Variants in TTBK2 observed in about 807,000 individuals in gnomAD.
TTBK2 encodes the protein tau tubulin kinase 2.
A neutral mutation model predicts 110.8 loss-of-function variants in TTBK2; 28 were observed. That is an observed-to-expected ratio of 0.25 (90% CI 0.19 to 0.35). The LOEUF is 0.35. Among genes scored for constraint, TTBK2 ranks in the 10% least tolerant of loss-of-function variants. The pLI, the probability that TTBK2 is intolerant of heterozygous loss-of-function variation, is 1.00. For synonymous variants in TTBK2, 532 were observed against 527.3 expected (o/e 1.01, Z -0.12); for missense variants, 1,369 against 1,500.3 (o/e 0.91, Z 1.45).
At chr15:42,815,913 AATATATATATATTT>A (rs1354473494) in intron 7 of TTBK2, among the ~76,000 whole-genome samples, 63 of 100,796 alleles carry the variant, frequency 6.3e-4, no homozygotes, top group African/African-American at 3.3e-3. Context: ...TATATTTAAA[AATATATATATATTT>A]AAAAATATAT....
rs574100747 is a variant in TTBK2, at chr15:42,833,967, C to T, written c.292-3889G>A. Reference sequence around the variant, plus strand: ...TGGAGGTTGCAGTGAGCCGAGATCACGCCATTGCACTGCAGCCTGGGCGAC... The same window carrying T: ...TGGAGGTTGCAGTGAGCCGAGATCATGCCATTGCACTGCAGCCTGGGCGAC... On this transcript the variant is annotated intron_variant, in intron 4 of 14. Transcript: ENST00000267890. 5.9e-5 allele frequency among the ~76,000 whole-genome samples: 9 copies of T among 151,978 alleles called. No individual in the cohort carries two copies. In the South Asian group the frequency reaches 6.2e-4, roughly 11 times the overall value.
intron 4 of TTBK2, among the ~76,000 whole-genome samples, chr15:42,833,834 C>T (rs1892876701): frequency 6.6e-6 from 1 of 151,968 alleles, no homozygotes. Context: ...ATGGTAAAAC[C>T]CCGTCTCTAC....
At position 42,783,424 on chromosome 15, in the gene TTBK2, A is replaced by G. The variant is rs773923065; in HGVS notation, c.1192T>C (p.Cys398Arg). The G allele has an allele frequency of 4.4e-5, 71 of 1,613,850 alleles. No individual in the cohort carries two copies. The highest frequency in any genetic ancestry group is 5.7e-5 in the Non-Finnish European group (67 of 1,179,852). Reference protein sequence around the residue: ...ANKNKIKLGICKAATEEENSH... With the variant: ...ANKNKIKLGIRKAATEEENSH... ...TGTTTATAAGGTACTCATACCTTAC[A>G]AATTCCAAGCTTTATCTTGTTTTTG... Residue 398 changes from cysteine to arginine, a missense_variant, in exon 11 of 15, where the codon TGT becomes CGT. Physicochemically the swap from Cys to Arg is radical, Grantham distance 180. Transcript: ENST00000267890.
At chr15:42,765,252 G>A (rs1889305251) in intron 13 of TTBK2, among the ~76,000 whole-genome samples, 1 of 152,232 alleles carries the variant, frequency 6.6e-6, no homozygotes. Context: ...GAACAAAGCT[G>A]GACGGAGAAT....
chr15:42,758,485 G>A (rs774990427), intron 13 of TTBK2, among the ~76,000 whole-genome samples: 9 of 151,746 alleles, frequency 5.9e-5, no homozygotes, highest in East Asian at 3.9e-4. Flanking sequence ...CAGAAACCCC[G>A]TTTCTACTAA....
intron 2 of TTBK2, among the ~76,000 whole-genome samples, chr15:42,878,030 AAG>A (rs927993216): frequency 6.6e-6 from 1 of 151,278 alleles, no homozygotes; most frequent in African/African-American, 2.4e-5. Flanking sequence ...AAAAAAAAAA[AAG>A]AGAGAGCAGC....
chr15:42,775,348 A>T lies in TTBK2; in HGVS notation c.1785T>A (p.Asp595Glu), dbSNP rs1211363828. The T allele has an allele frequency of 2.5e-6, 4 of 1,614,088 alleles. No individual in the cohort carries two copies. In the African/African-American group the frequency reaches 5.3e-5, roughly 22 times the overall value. The change falls in exon 13 of 15, where the codon GAT becomes GAA. Residue 595 changes from aspartate (D) to glutamate (E), a missense_variant. This residue lies in a region of TTBK2 where 1,097 missense variants were observed against 1,114.7 expected (regional missense o/e 0.98). Transcript: ENST00000267890. The part of the protein sequence containing the change: ...VLQVLEASPQ[D>E]EKLQLGPWAE... ...CCCAAGGACCTAACTGGAGCTTTTC[A>T]TCTTGAGGTGATGCCTCCAGGACTT...
intron 9 of TTBK2, among the ~76,000 whole-genome samples, chr15:42,807,611 G>GT (rs1211964720): frequency 7.1e-6 from 1 of 141,476 alleles, no homozygotes; most frequent in Non-Finnish European, 1.5e-5. Flanking sequence ...TTGTTGTTTT[G>GT]TTTTTTGTAG....
chr15:42,764,774 T>C (rs776644074), intron 13 of TTBK2, among the ~76,000 whole-genome samples: 1 of 152,224 alleles, frequency 6.6e-6, no homozygotes, highest in Admixed American at 6.5e-5. Flanking sequence ...AGCATGGAGT[T>C]TGAGCTCGGA....
At chr15:42,884,849 A>G (rs1055205294) in intron 1 of TTBK2, among the ~76,000 whole-genome samples, 4 of 152,238 alleles carry the variant, frequency 2.6e-5, no homozygotes, top group Non-Finnish European at 5.9e-5. Context: ...AAGATCCACA[A>G]AAGAAGTGAA....
intron 9 of TTBK2, chr15:42,798,245 G>A (rs913363526): frequency 1.5e-5 from 7 of 456,044 alleles, no homozygotes; most frequent in Non-Finnish European, 3.1e-5. Context: ...TCAGAACAGG[G>A]ACTCACTGTG....
intron 2 of TTBK2, 51 bp downstream of exon 2, chr15:42,878,492 TACACAC>T (rs10650948): frequency 4.0e-4 from 617 of 1,542,188 alleles, no homozygotes; most frequent in African/African-American, 2.9e-3. Context: ...CCGATATGTA[TACACAC>T]ACACACACAC....
Position 42,783,504 on chromosome 15 carries a change from G to C in TTBK2, c.1112C>G (p.Ser371Cys), listed in dbSNP as rs760323338. Residue 371 changes from serine to cysteine, a missense_variant, in exon 11 of 15, where the codon TCT becomes TGT. This residue lies in a region of TTBK2 where 1,097 missense variants were observed against 1,114.7 expected (regional missense o/e 0.98). Coordinates refer to ENST00000267890, the MANE Select transcript of TTBK2 (RefSeq NM_173500.4). ...CTCCTGGGGACGGGGGTGTCCCAGA[G>C]ATCCAGGCAATTTATCTGGTGACAC... ...VGVSPDKLPG[S>C]LGHPRPQEKD... 1.9e-6 allele frequency: 3 copies of C among 1,614,138 alleles called. No individual in the cohort carries two copies. The highest frequency in any genetic ancestry group is 2.5e-6 in the Non-Finnish European group (3 of 1,180,034).
rs1281253409 is a variant in TTBK2, at chr15:42,843,350, C to T, written c.218-2917G>A. 4.6e-5 allele frequency among the ~76,000 whole-genome samples: 7 copies of T among 152,260 alleles called. No homozygotes were observed. The South Asian group carries it at 1.2e-3, about 27-fold the overall frequency. ...TAATGAAAGGCCAAAAACGGGATTA[C>T]GGTAGGGGCCTGAATTCTGTTAAGG... On this transcript the variant is annotated intron_variant, in intron 3 of 14. Transcript: ENST00000267890.
chr15:42,794,994 GT>G (rs973730542), intron 9 of TTBK2, 193 bp from the exon 10 acceptor site: 1 of 683,604 alleles, frequency 1.5e-6, no homozygotes, highest in African/African-American at 1.8e-5. Context: ...ATTTTTCTCC[GT>G]TGTGTAGAAT....
chr15:42,800,358 C>A (rs942514434), intron 9 of TTBK2: 1 of 404,454 alleles, frequency 2.5e-6, no homozygotes. Context: ...AATCAGTCAT[C>A]TGACATACAC....
In TTBK2 at chr15:42,744,267, C is replaced by G. The variant is rs2061766609; in HGVS notation, c.*1528G>C. On this transcript the variant is annotated 3_prime_UTR_variant, in exon 15 of 15. Transcript: ENST00000267890. ...ACAGATAAAGAGAACAAGAGAAGTT[C>G]AGTGCAGCTTCAGGGCAGCTTTGAT... 1 of 151,972 alleles carries G rather than the reference C, an allele frequency of 6.6e-6. No individual in the cohort carries two copies. Among genetic ancestry groups the G allele is most frequent in the African/African-American group, 2.4e-5 (1 of 41,366 alleles). 9.4% of individuals were successfully genotyped at this position (151,972 alleles called of 1,614,324 possible). A position where few individuals can be genotyped will look rare whatever the true frequency, so the allele number is the denominator to read the frequency against.
intron 14 of TTBK2, among the ~76,000 whole-genome samples, chr15:42,750,399 T>A (rs2061849441): frequency 6.6e-6 from 1 of 151,570 alleles, no homozygotes; most frequent in South Asian, 2.1e-4. Flanking sequence ...AATGGAAATA[T>A]AAATAAGAGA....
At chr15:42,772,787 G>T (rs1272571669) in intron 13 of TTBK2, among the ~76,000 whole-genome samples, 2 of 152,042 alleles carry the variant, frequency 1.3e-5, no homozygotes, top group East Asian at 3.9e-4. Context: ...TCTTGCAAAA[G>T]ATTGAAAAAT....
Sources: allele counts gnomAD v4.1 joint callset (sites outside exome capture counted in the v4.1 genomes callset), GRCh38; gene constraint gnomAD v4.1.1; regional missense constraint gnomAD v4.1.1; transcripts MANE v1.5; gene names NCBI Gene and HGNC (gene_info 2026-07-23, HGNC 2026-07-21).